DIP2A: variants seen among roughly 807,000 people sequenced by gnomAD.
DIP2A encodes the protein disco-interacting protein 2 homolog A.
DIP2A carries 85 observed loss-of-function variants against 177.4 expected under a neutral mutation model. That is an observed-to-expected ratio of 0.48 (90% CI 0.40 to 0.57). The LOEUF is 0.57. Ranked by LOEUF, DIP2A falls within the 20% of genes least tolerant of loss-of-function variation. DIP2A has a pLI of 0.00. For synonymous variants in DIP2A, 886 were observed against 881.8 expected (o/e 1.00, Z -0.08); for missense variants, 1,791 against 2,100.2 (o/e 0.85, Z 2.88).
the DIP2A span, among the ~76,000 whole-genome samples, chr21:46,580,075 TGA>T: frequency 1.3e-5 from 2 of 152,196 alleles, no homozygotes; most frequent in Non-Finnish European, 2.9e-5. Flanking sequence ...TATTATTGTG[TGA>T]GAGTCTAAGT....
chr21:46,461,359 A>T (rs2054298216), intron 1 of DIP2A, among the ~76,000 whole-genome samples: 2 of 151,330 alleles, frequency 1.3e-5, no homozygotes, highest in Admixed American at 1.3e-4. Context: ...TGACAAACTT[A>T]AATTAGGAAT....
intron 28 of DIP2A, 150 bp from the exon 29 acceptor site, chr21:46,555,832 G>C (rs1055351015): frequency 2.9e-6 from 2 of 694,804 alleles, no homozygotes; most frequent in Admixed American, 4.2e-5. Flanking sequence ...AGCACGCACA[G>C]CCTGCATCGT....
Position 46,563,844 on chromosome 21 carries a change from T to C in DIP2A, c.4090-14T>C. 2 of 1,612,450 alleles carry C rather than the reference T, an allele frequency of 1.2e-6. No individual in the cohort carries two copies. Among genetic ancestry groups the C allele is most frequent in the Non-Finnish European group, 1.7e-6 (2 of 1,179,530 alleles). ...TGTTTTCTTTAACAAGGGACATAGCTCTCCTCCTTCCAGATCCTCCCCGGC... is the reference window on the plus strand; with the variant it reads ...TGTTTTCTTTAACAAGGGACATAGCCCTCCTCCTTCCAGATCCTCCCCGGC... On this transcript the variant is annotated splice_polypyrimidine_tract_variant and intron_variant, in intron 34 of 37. Coordinates refer to ENST00000417564, the MANE Select transcript of DIP2A (RefSeq NM_015151.4). This position sits in a 1 kb window ranked among gnomAD's most constrained non-coding sequence, Gnocchi z 4.3.
chr21:46,503,494 G>A (rs1380145723), intron 5 of DIP2A, among the ~76,000 whole-genome samples: 1 of 151,902 alleles, frequency 6.6e-6, no homozygotes, highest in Non-Finnish European at 1.5e-5. Flanking sequence ...GATCCTGGCT[G>A]TTTTTTTCAT....
intron 1 of DIP2A, among the ~76,000 whole-genome samples, chr21:46,480,031 G>A (rs183533934): frequency 2.0e-4 from 30 of 150,456 alleles, no homozygotes; most frequent in East Asian, 1.6e-3. Context: ...CTTTTGTTCT[G>A]TGTCACGAGC....
At chr21:46,499,365 C>T (rs533264476) in intron 5 of DIP2A, among the ~76,000 whole-genome samples, 1 of 152,294 alleles carries the variant, frequency 6.6e-6, no homozygotes, top group East Asian at 1.9e-4. Context: ...GGTCAGCACA[C>T]ATCCATACCT....
chr21:46,495,850 G>T (rs889310735), intron 3 of DIP2A, among the ~76,000 whole-genome samples: 34 of 151,928 alleles, frequency 2.2e-4, no homozygotes, highest in African/African-American at 7.5e-4. Flanking sequence ...AAGGCGGGCG[G>T]ATCACCATGT....
intron 8 of DIP2A, among the ~76,000 whole-genome samples, chr21:46,513,862 A>G (rs1185805676): frequency 7.9e-5 from 12 of 152,198 alleles, no homozygotes; most frequent in Non-Finnish European, 2.9e-5. Flanking sequence ...CTAAAAAAAA[A>G]TTGAAATCCC....
chr21:46,459,582 C>T (rs1468473062), intron 1 of DIP2A, among the ~76,000 whole-genome samples: 2 of 144,670 alleles, frequency 1.4e-5, no homozygotes, highest in Admixed American at 1.4e-4. Context: ...CGGCCCCTCA[C>T]CCCGGGGACC....
intron 3 of DIP2A, among the ~76,000 whole-genome samples, chr21:46,491,315 C>G (rs1243501200): frequency 1.3e-5 from 2 of 152,036 alleles, no homozygotes; most frequent in African/African-American, 4.8e-5. Flanking sequence ...TGTATATTTT[C>G]TTCACATTTA....
chr21:46,507,478 C>T (rs2058071511), intron 6 of DIP2A, among the ~76,000 whole-genome samples: 1 of 152,072 alleles, frequency 6.6e-6, no homozygotes, highest in South Asian at 2.1e-4. Context: ...ATTCTTTTCC[C>T]ACCAAGTTTC....
intron 20 of DIP2A, 89 bp from the exon 21 acceptor site, chr21:46,546,826 G>A (rs181800756): frequency 4.0e-6 from 6 of 1,485,478 alleles, no homozygotes; most frequent in African/African-American, 1.4e-5. Flanking sequence ...CTGTGCTGTT[G>A]GCCCCTTCTT....
In DIP2A at chr21:46,502,437, A is replaced by ATTT. The variant is rs36011338; in HGVS notation, c.656-1898_656-1896dup. ...GTGAGCCACTGCACAGCTAGTGTTG[A>ATTT]TTTTTTTTTTTTTTTTTTTTTTTTT... is the stretch of plus-strand genomic sequence containing the variant. On this transcript the variant is annotated intron_variant, in intron 5 of 37. Coordinates refer to ENST00000417564, the MANE Select transcript of DIP2A (RefSeq NM_015151.4). 1.6e-4 allele frequency among the ~76,000 whole-genome samples: 7 copies of ATTT among 44,834 alleles called. 1 individual carries two copies. Among genetic ancestry groups the ATTT allele is most frequent in the East Asian group, 8.9e-4 (1 of 1,120 alleles). The allele number at this position is 44,834 out of a possible 152,430, so 29.4% of individuals were successfully genotyped here.
intron 8 of DIP2A, among the ~76,000 whole-genome samples, chr21:46,519,223 G>C (rs935248959): frequency 6.6e-6 from 1 of 152,124 alleles, no homozygotes; most frequent in African/African-American, 2.4e-5. Context: ...CTTCATTTGC[G>C]GGGACTTGGC....
intron 1 of DIP2A, among the ~76,000 whole-genome samples, chr21:46,477,733 C>T (rs1444154206): frequency 7.1e-6 from 1 of 140,762 alleles, no homozygotes; most frequent in African/African-American, 2.6e-5. Flanking sequence ...ACCATCACAC[C>T]CAGCTAATTT....
chr21:46,546,211 T>C (rs936556776), intron 20 of DIP2A: 1 of 1,303,530 alleles, frequency 7.7e-7, no homozygotes, highest in African/African-American at 1.5e-5. Context: ...ATGTTTTGCT[T>C]TTTATATGGA....
the DIP2A span, among the ~76,000 whole-genome samples, chr21:46,575,576 T>G: frequency 6.6e-6 from 1 of 151,976 alleles, no homozygotes; most frequent in Non-Finnish European, 1.5e-5. Flanking sequence ...GGATACAAGG[T>G]CAACACACAA....
chr21:46,547,656 C>CTTTTTTTTTTTTTTTTTT (rs10672432), intron 21 of DIP2A, among the ~76,000 whole-genome samples: 1 of 76,392 alleles, frequency 1.3e-5, no homozygotes. Flanking sequence ...AAGGGGGTGC[C>CTTTTTTTTTTTTTTTTTT]TTTTTTTTTT....
chr21:46,549,100 G>A (rs962220469), intron 21 of DIP2A, among the ~76,000 whole-genome samples: 13 of 152,212 alleles, frequency 8.5e-5, no homozygotes, highest in African/African-American at 2.9e-4. Flanking sequence ...GGAGAACTCA[G>A]TACTAGGTGA....
Sources: gnomAD v4.1 joint callset for allele counts (sites outside exome capture counted in the v4.1 genomes callset) on GRCh38, gnomAD v4.1.1 for gene constraint, Gnocchi (gnomAD v3.1) non-coding constraint, MANE v1.5 for transcripts, NCBI Gene and HGNC (gene_info 2026-07-23, HGNC 2026-07-21) for gene names.